Variants in KHDRBS2 observed in about 807,000 individuals in gnomAD.
The protein encoded by KHDRBS2 is KH RNA binding domain containing, signal transduction associated 2, also known as KH domain-containing, RNA-binding, signal transduction-associated protein 2.
KHDRBS2 carries 26 observed loss-of-function variants against 44.3 expected under a neutral mutation model. The ratio of observed to expected loss-of-function variants is 0.59; its 90% CI spans 0.43 to 0.81. The LOEUF is 0.81. KHDRBS2 is among the 40% of genes least tolerant of loss of function. KHDRBS2 has a pLI of 0.00. For synonymous variants in KHDRBS2, 194 were observed against 151.1 expected (o/e 1.28, Z -2.08); for missense variants, 476 against 433.1 (o/e 1.10, Z -0.88).
intron 5 of KHDRBS2, among the ~76,000 whole-genome samples, chr6:61,899,055 T>C (rs551667765): frequency 1.3e-5 from 2 of 151,912 alleles, no homozygotes; most frequent in Non-Finnish European, 2.9e-5. Context: ...TTATTTTCTT[T>C]TATAACATTG....
chr6:61,554,603 G>A, the KHDRBS2 span, among the ~76,000 whole-genome samples: 1 of 152,026 alleles, frequency 6.6e-6, no homozygotes, highest in African/African-American at 2.4e-5. Flanking sequence ...TCTTTATATT[G>A]TCATTGACCT....
chr6:61,673,119 C>T, the KHDRBS2 span, among the ~76,000 whole-genome samples: 1 of 151,780 alleles, frequency 6.6e-6, no homozygotes, highest in Non-Finnish European at 1.5e-5. Context: ...TCCCCCATTG[C>T]TTGTTTTTCT....
the KHDRBS2 span, among the ~76,000 whole-genome samples, chr6:61,638,211 C>A: frequency 1.3e-5 from 2 of 151,830 alleles, no homozygotes. Flanking sequence ...CAATCCTGAG[C>A]CAAAAGAACA....
intron 2 of KHDRBS2, among the ~76,000 whole-genome samples, chr6:62,052,601 T>TG (rs56389022): frequency 0.86 from 100,172 of 116,818 alleles, 41,830 homozygotes; most frequent in Admixed American, 0.89. Context: ...TTTCCACTGG[T>TG]GGGGTGGGGG....
chr6:61,935,308 C>T (rs1228943771), intron 4 of KHDRBS2, among the ~76,000 whole-genome samples: 1 of 152,036 alleles, frequency 6.6e-6, no homozygotes, highest in East Asian at 1.9e-4. Context: ...TTCCCCTGAC[C>T]ATTGCCAGTA....
chr6:62,132,608 T>G (rs1426746164), intron 2 of KHDRBS2, among the ~76,000 whole-genome samples: 1 of 152,196 alleles, frequency 6.6e-6, no homozygotes, highest in Admixed American at 6.5e-5. Flanking sequence ...AATATACTGA[T>G]GAGGGTTTTT....
At chr6:61,736,409 T>C (rs537557104) in intron 6 of KHDRBS2, among the ~76,000 whole-genome samples, 1 of 152,148 alleles carries the variant, frequency 6.6e-6, no homozygotes, top group East Asian at 1.9e-4. Flanking sequence ...CAGCACTCTA[T>C]CTTGAGGATC....
intron 6 of KHDRBS2, among the ~76,000 whole-genome samples, chr6:61,779,325 G>A (rs1782583258): frequency 6.6e-6 from 1 of 151,900 alleles, no homozygotes; most frequent in African/African-American, 2.4e-5. Flanking sequence ...GAGTTTCTAT[G>A]GTATGACAGG....
the KHDRBS2 span, among the ~76,000 whole-genome samples, chr6:61,584,324 G>A: frequency 0.59 from 89,626 of 151,542 alleles, 26,708 homozygotes; most frequent in Non-Finnish European, 0.61. Flanking sequence ...ATATTTCACT[G>A]TTAAGTATTA....
chr6:62,091,176 C>G (rs1799429521), intron 2 of KHDRBS2, among the ~76,000 whole-genome samples: 1 of 152,122 alleles, frequency 6.6e-6, no homozygotes, highest in African/African-American at 2.4e-5. Flanking sequence ...TCCCACTGGA[C>G]AGTACTCTTA....
At chr6:61,675,191 A>G (rs1361967172), downstream of KHDRBS2, among the ~76,000 whole-genome samples, 2 of 151,800 alleles carry the variant, frequency 1.3e-5, no homozygotes, top group African/African-American at 4.8e-5. Context: ...TACATTTTAA[A>G]AAAGCATTGT....
chr6:62,077,121 A>T (rs372443795), intron 2 of KHDRBS2, among the ~76,000 whole-genome samples: 4 of 152,084 alleles, frequency 2.6e-5, no homozygotes, highest in African/African-American at 9.7e-5. Context: ...TGTTGAATTT[A>T]TCATTGCAGA....
intron 8 of KHDRBS2, among the ~76,000 whole-genome samples, chr6:61,691,781 T>C (rs1334440133): frequency 6.6e-6 from 1 of 152,114 alleles, no homozygotes; most frequent in African/African-American, 2.4e-5. Flanking sequence ...AGGCCTTATT[T>C]TCACACAGGG....
At chr6:61,652,683 G>C in the KHDRBS2 span, among the ~76,000 whole-genome samples, 2 of 152,044 alleles carry the variant, frequency 1.3e-5, no homozygotes, top group Non-Finnish European at 2.9e-5. Flanking sequence ...TGAACTCCCT[G>C]TGCTTCATAG....
intron 6 of KHDRBS2, among the ~76,000 whole-genome samples, chr6:61,864,238 T>A (rs768266615): frequency 7.2e-5 from 11 of 152,164 alleles, no homozygotes; most frequent in Non-Finnish European, 1.3e-4. Context: ...AGCTTGCCAC[T>A]CTGTGTCTTT....
intron 6 of KHDRBS2, among the ~76,000 whole-genome samples, chr6:61,887,084 G>C (rs570062661): frequency 7.1e-6 from 1 of 141,600 alleles, no homozygotes; most frequent in Non-Finnish European, 1.5e-5. Flanking sequence ...TCTTTACCGA[G>C]AGGAAACACA....
chr6:61,653,235 C>G, the KHDRBS2 span, among the ~76,000 whole-genome samples: 1 of 151,982 alleles, frequency 6.6e-6, no homozygotes, highest in African/African-American at 2.4e-5. Flanking sequence ...AAGCTTTGTT[C>G]TAAACTTGTT....
At position 61,680,924 on chromosome 6, in the gene KHDRBS2, G is replaced by T; in HGVS notation, c.*39C>A. The T allele has an allele frequency of 7.7e-7, 1 of 1,301,202 alleles. No individual in the cohort carries two copies. Among genetic ancestry groups the T allele is most frequent in the Non-Finnish European group, 1.1e-6 (1 of 903,086 alleles). 80.6% of individuals were successfully genotyped at this position (1,301,202 alleles called of 1,614,324 possible). ...TGTTTATGTGGAGACCACAGGCTAT[G>T]AATTGTCTTTGAGGTGAGGTCACAG... is the stretch of plus-strand genomic sequence containing the variant. On this transcript the variant is annotated 3_prime_UTR_variant, in exon 9 of 9. Coordinates refer to ENST00000281156, the MANE Select transcript of KHDRBS2 (RefSeq NM_152688.4).
intron 1 of KHDRBS2, among the ~76,000 whole-genome samples, chr6:62,199,235 C>A (rs1487512678): frequency 1.3e-5 from 2 of 151,998 alleles, no homozygotes; most frequent in African/African-American, 4.8e-5. Context: ...AAGTTCTGGC[C>A]AGGGCAATCA....
Sources: gnomAD v4.1 joint callset for allele counts (sites outside exome capture counted in the v4.1 genomes callset) on GRCh38, gnomAD v4.1.1 for gene constraint, MANE v1.5 for transcripts, NCBI Gene and HGNC (gene_info 2026-07-23, HGNC 2026-07-21) for gene names.